The following ERBB4 variants were observed in gnomAD, a reference collection of about 807,000 sequenced individuals.
The protein encoded by ERBB4 is erb-b2 receptor tyrosine kinase 4, also known as receptor tyrosine-protein kinase erbB-4.
In ERBB4, 42 loss-of-function variants were observed where a neutral mutation model predicts 158.0. That is an observed-to-expected ratio of 0.27 (90% CI 0.21 to 0.34). The LOEUF (loss-of-function observed/expected upper bound fraction) is 0.34. Ranked by LOEUF, ERBB4 falls within the 10% of genes least tolerant of loss-of-function variation. ERBB4 has a pLI of 1.00. For synonymous variants in ERBB4, 583 were observed against 558.7 expected (o/e 1.04, Z -0.61); for missense variants, 1,333 against 1,624.1 (o/e 0.82, Z 3.08).
intron 19 of ERBB4, among the ~76,000 whole-genome samples, chr2:211,603,077 A>C (rs2068848962): frequency 6.6e-6 from 1 of 152,114 alleles, no homozygotes; most frequent in South Asian, 2.1e-4. Context: ...CTAAAAATAC[A>C]AAATTTAGCT....
chr2:212,282,443 T>A (rs2085793630), intron 1 of ERBB4, among the ~76,000 whole-genome samples: 1 of 151,928 alleles, frequency 6.6e-6, no homozygotes, highest in Admixed American at 6.6e-5. Flanking sequence ...TCAGGTGTTA[T>A]CGCCCTGATT....
rs765956172 is a variant in ERBB4, at chr2:211,505,370, T to A, written c.2487+56533A>T. 3.0e-4 allele frequency among the ~76,000 whole-genome samples: 46 copies of A among 151,892 alleles called. 1 individual carries two copies. Among genetic ancestry groups the A allele is most frequent in the Non-Finnish European group, 2.6e-4 (18 of 67,994 alleles). Reference sequence around the variant, plus strand: ...TCATATCCTGCTAAATTAAGCTTCATAAGTGAAGAAATATAGACTTTCTCA... The same window carrying A: ...TCATATCCTGCTAAATTAAGCTTCAAAAGTGAAGAAATATAGACTTTCTCA... On this transcript the variant is annotated intron_variant, in intron 20 of 27. Coordinates refer to ENST00000342788, the MANE Select transcript of ERBB4 (RefSeq NM_005235.3).
At chr2:211,810,555 T>C (rs533550845) in intron 3 of ERBB4, among the ~76,000 whole-genome samples, 2 of 150,962 alleles carry the variant, frequency 1.3e-5, no homozygotes, top group African/African-American at 4.9e-5. Context: ...TAGATCTTCC[T>C]CCGTCCCTTT....
At chr2:211,547,419 T>C (rs552355378) in intron 20 of ERBB4, among the ~76,000 whole-genome samples, 1 of 152,206 alleles carries the variant, frequency 6.6e-6, no homozygotes, top group East Asian at 1.9e-4. Context: ...AGGCAAATCT[T>C]ATCTCCAGAT....
intron 2 of ERBB4, among the ~76,000 whole-genome samples, chr2:212,096,624 T>C (rs2078941517): frequency 6.6e-6 from 1 of 152,218 alleles, no homozygotes; most frequent in Non-Finnish European, 1.5e-5. Context: ...TTATCTAAAA[T>C]ATACTGACTT....
intron 2 of ERBB4, among the ~76,000 whole-genome samples, chr2:212,118,012 T>C (rs1357254892): frequency 6.6e-6 from 1 of 152,198 alleles, no homozygotes; most frequent in African/African-American, 2.4e-5. Flanking sequence ...TGTAGGGTTT[T>C]TCTAAATCAT....
chr2:212,179,842 C>T (rs1375652147), intron 1 of ERBB4, among the ~76,000 whole-genome samples: 1 of 151,390 alleles, frequency 6.6e-6, no homozygotes, highest in African/African-American at 2.4e-5. Flanking sequence ...GAATGGTCTC[C>T]CAAATCTTCA....
At chr2:211,690,134 G>A (rs1374215943) in intron 12 of ERBB4, among the ~76,000 whole-genome samples, 1 of 150,704 alleles carries the variant, frequency 6.6e-6, no homozygotes, top group Admixed American at 6.6e-5. Flanking sequence ...GAATATAGCA[G>A]TTGTCTTAAG....
chr2:211,514,332 T>C lies in ERBB4; in HGVS notation c.2487+47571A>G, dbSNP rs547123108. Among the ~76,000 whole-genome samples the C allele has an allele frequency of 1.3e-4, 20 of 152,246 alleles. No homozygotes were observed. In the South Asian group the frequency reaches 3.9e-3, roughly 30 times the overall value. On this transcript the variant is annotated intron_variant, in intron 20 of 27. Transcript: ENST00000342788. ...CTCACTGCAACTGAAAGAATCAAAGTAAGGTCAGCTGAGCAAGGTGAGCCT... is the reference window on the plus strand; with the variant it reads ...CTCACTGCAACTGAAAGAATCAAAGCAAGGTCAGCTGAGCAAGGTGAGCCT...
chr2:212,034,187 C>T (rs2076963751), intron 2 of ERBB4, among the ~76,000 whole-genome samples: 1 of 151,784 alleles, frequency 6.6e-6, no homozygotes, highest in African/African-American at 2.4e-5. Flanking sequence ...TGTGTTTCTT[C>T]TTATTTTTAT....
intron 3 of ERBB4, among the ~76,000 whole-genome samples, chr2:211,893,063 A>G (rs2079010470): frequency 6.8e-6 from 1 of 147,936 alleles, no homozygotes; most frequent in Non-Finnish European, 1.5e-5. Context: ...AAACTACTTT[A>G]AAGTTCATAT....
chr2:212,219,633 C>T (rs902744463), intron 1 of ERBB4, among the ~76,000 whole-genome samples: 1 of 151,134 alleles, frequency 6.6e-6, no homozygotes, highest in Non-Finnish European at 1.5e-5. Context: ...CATTCCTCTG[C>T]CCCTTACTGA....
In ERBB4 at chr2:211,420,626, G is replaced by A. The variant is rs781594620; in HGVS notation, c.2965-15C>T. On this transcript the variant is annotated splice_polypyrimidine_tract_variant and intron_variant, in intron 24 of 27. Transcript: ENST00000342788. The stretch of plus-strand genomic sequence containing the variant: ...CGATCATCACCCTAAAAGAAAGATT[G>A]CCCATCAGACACAAATATGATTCTT... The A allele has an allele frequency of 6.2e-7, 1 of 1,604,364 alleles. No individual in the cohort carries two copies. Among genetic ancestry groups the A allele is most frequent in the African/African-American group, 1.4e-5 (1 of 73,670 alleles).
chr2:211,931,820 A>T (rs75196807), intron 3 of ERBB4, among the ~76,000 whole-genome samples: 2 of 152,020 alleles, frequency 1.3e-5, no homozygotes, highest in Non-Finnish European at 2.9e-5. Flanking sequence ...GCAAGGATTA[A>T]CCAATAAATT....
At chr2:211,956,029 A>AGTGTGTGTGTGTGTGTGTGTGT (rs3070122) in intron 2 of ERBB4, among the ~76,000 whole-genome samples, 15 of 146,428 alleles carry the variant, frequency 1.0e-4, no homozygotes, top group African/African-American at 3.8e-4. Flanking sequence ...TCATCTCTAA[A>AGTGTGTGTGTGTGTGTGTGTGT]GTGTGTGTGT....
At chr2:212,025,759 A>C (rs1480319345) in intron 2 of ERBB4, among the ~76,000 whole-genome samples, 1 of 151,822 alleles carries the variant, frequency 6.6e-6, no homozygotes, top group East Asian at 1.9e-4. Context: ...TTTCTAGAAA[A>C]GGTCATGGGT....
chr2:211,581,649 A>C (rs141618353), intron 19 of ERBB4, among the ~76,000 whole-genome samples: 1 of 152,158 alleles, frequency 6.6e-6, no homozygotes, highest in African/African-American at 2.4e-5. Flanking sequence ...TCTTCCCATC[A>C]TTCCCACAGT....
intron 2 of ERBB4, among the ~76,000 whole-genome samples, chr2:212,105,159 C>G (rs1575639105): frequency 6.6e-6 from 1 of 152,260 alleles, no homozygotes; most frequent in African/African-American, 2.4e-5. Flanking sequence ...AAACTTCATG[C>G]AGAAAACCTA....
At chr2:212,170,992 A>G (rs1465360281) in intron 1 of ERBB4, among the ~76,000 whole-genome samples, 1 of 152,064 alleles carries the variant, frequency 6.6e-6, no homozygotes, top group Non-Finnish European at 1.5e-5. Context: ...AGAATGATAG[A>G]TCCACCAACA....
Sources: gnomAD v4.1 joint callset for allele counts (sites outside exome capture counted in the v4.1 genomes callset) on GRCh38, gnomAD v4.1.1 for gene constraint, MANE v1.5 for transcripts, NCBI Gene and HGNC (gene_info 2026-07-23, HGNC 2026-07-21) for gene names.